Variants in PHACTR1 observed in about 807,000 individuals in gnomAD.
The protein encoded by PHACTR1 is RPEL repeat containing 1.
A neutral mutation model predicts 69.2 loss-of-function variants in PHACTR1; 16 were observed. The ratio of observed to expected loss-of-function variants is 0.23; its 90% CI spans 0.16 to 0.35. The LOEUF is 0.35. Ranked by LOEUF, PHACTR1 falls within the 10% of genes least tolerant of loss-of-function variation. The probability of loss-of-function intolerance (pLI) is 1.00; values close to 1 mark genes in which losing one functional copy is unlikely to be tolerated. For synonymous variants in PHACTR1, 312 were observed against 284.5 expected, an observed-to-expected ratio of 1.10 and a Z score of -0.97; for missense variants, 510 against 734.7, an observed-to-expected ratio of 0.69 and a Z score of 3.54.
intron 5 of PHACTR1, among the ~76,000 whole-genome samples, chr6:13,072,029 ACT>A (rs1809616320): frequency 2.0e-5 from 3 of 152,214 alleles, no homozygotes; most frequent in Non-Finnish European, 2.9e-5. Context: ...GTAGCACAAA[ACT>A]CTATTTCATC....
chr6:12,925,059 T>C (rs769836191), intron 4 of PHACTR1, among the ~76,000 whole-genome samples: 15 of 152,220 alleles, frequency 9.9e-5, no homozygotes, highest in Non-Finnish European at 7.3e-5. Flanking sequence ...CTAAGTTTCT[T>C]ATTTATCTTG....
At chr6:13,125,857 G>A (rs1434507004) in intron 5 of PHACTR1, among the ~76,000 whole-genome samples, 1 of 151,974 alleles carries the variant, frequency 6.6e-6, no homozygotes, top group East Asian at 1.9e-4. Flanking sequence ...CTGAGCCTGG[G>A]AAGTTGAGGC....
chr6:13,065,068 A>G (rs1437487561), intron 5 of PHACTR1, among the ~76,000 whole-genome samples: 2 of 152,090 alleles, frequency 1.3e-5, no homozygotes, highest in Non-Finnish European at 2.9e-5. Context: ...TTGTGAGGGG[A>G]AAAGATGAAT....
At chr6:13,231,256 AAGAAAGAAGGAAAG>A (rs1399350798) in intron 10 of PHACTR1, among the ~76,000 whole-genome samples, 79 of 132,650 alleles carry the variant, frequency 6.0e-4, no homozygotes, top group African/African-American at 1.6e-3. Flanking sequence ...AGGAAAGAGA[AAGAAAGAAGGAAAG>A]AGAAAGAAGG....
At chr6:13,027,776 A>G (rs1397563344) in intron 4 of PHACTR1, among the ~76,000 whole-genome samples, 1 of 152,036 alleles carries the variant, frequency 6.6e-6, no homozygotes, top group Non-Finnish European at 1.5e-5. Context: ...CCTGGGTTCA[A>G]ACGATTCTCC....
chr6:12,927,730 C>A (rs1404395961), intron 4 of PHACTR1, among the ~76,000 whole-genome samples: 1 of 152,166 alleles, frequency 6.6e-6, no homozygotes, highest in Non-Finnish European at 1.5e-5. Flanking sequence ...GGGCTCAGGA[C>A]CATTTGAGAA....
chr6:12,944,754 A>ATTATTTATTTATTTATTTATTTAT (rs1181743004), intron 4 of PHACTR1, among the ~76,000 whole-genome samples: 5 of 147,664 alleles, frequency 3.4e-5, no homozygotes, highest in South Asian at 2.1e-4. Flanking sequence ...CACCTTTTGA[A>ATTATTTATTTATTTATTTATTTAT]TTATTTATTT....
chr6:12,976,399 A>G (rs376014200), intron 4 of PHACTR1, among the ~76,000 whole-genome samples: 64 of 152,284 alleles, frequency 4.2e-4, no homozygotes, highest in African/African-American at 1.5e-3. Flanking sequence ...ATCTGATTCA[A>G]CCCTTCCATT....
At chr6:13,009,280 C>G (rs767524866) in intron 4 of PHACTR1, among the ~76,000 whole-genome samples, 2 of 152,054 alleles carry the variant, frequency 1.3e-5, no homozygotes, top group Non-Finnish European at 2.9e-5. Flanking sequence ...GAGGCGGACA[C>G]CATTCAACCC....
rs575596088 is a variant in PHACTR1 at position 12,904,395 on chromosome 6, G to A, written c.251-148970G>A. ...AAAAATACAAAAAAAATAGCCAGGC[G>A]TGGTGGCAGGTGCCTGTAATCCCAG... On this transcript the variant is annotated intron_variant, in intron 4 of 14. Transcript: ENST00000332995. Among the ~76,000 whole-genome samples the A allele has an allele frequency of 2.8e-4, 42 of 152,070 alleles. 1 individual carries two copies. The highest frequency in any genetic ancestry group is 1.4e-3 in the East Asian group (7 of 5,170).
intron 4 of PHACTR1, among the ~76,000 whole-genome samples, chr6:12,993,020 A>G (rs1796997636): frequency 6.6e-6 from 1 of 152,240 alleles, no homozygotes; most frequent in South Asian, 2.1e-4. Context: ...AAAAAGGAAG[A>G]TAGAGCCTCC....
At chr6:13,169,784 G>A (rs9463496) in intron 6 of PHACTR1, among the ~76,000 whole-genome samples, 9,250 of 152,192 alleles carry the variant, frequency 0.061, 762 homozygotes, top group African/African-American at 0.18. Context: ...CAGGCAGCAG[G>A]GTGTAAGTTA....
chr6:12,944,787 A>ATTTTTTTAT (rs1554172588), intron 4 of PHACTR1, among the ~76,000 whole-genome samples: 1 of 116,340 alleles, frequency 8.6e-6, no homozygotes, highest in African/African-American at 3.3e-5. Context: ...ATTTTTATTT[A>ATTTTTTTAT]TTTTTTTTTT....
At chr6:13,229,210 G>A (rs536803334) in intron 9 of PHACTR1, among the ~76,000 whole-genome samples, 1 of 152,324 alleles carries the variant, frequency 6.6e-6, no homozygotes, top group South Asian at 2.1e-4. Context: ...TCTTTGGTGT[G>A]GGGCCGTCCT....
intron 7 of PHACTR1, among the ~76,000 whole-genome samples, chr6:13,203,767 G>A (rs2113861826): frequency 6.6e-6 from 1 of 152,322 alleles, no homozygotes; most frequent in South Asian, 2.1e-4. Context: ...AGGAAACTCA[G>A]CAGTTCAGGA....
Position 12,886,859 on chromosome 6 carries a change from T to G in PHACTR1, c.250+137069T>G, listed in dbSNP as rs907786234. Among the ~76,000 whole-genome samples the G allele has an allele frequency of 3.3e-5, 5 of 152,262 alleles. No homozygotes were observed. In the South Asian group the frequency reaches 8.3e-4, roughly 25 times the overall value. On this transcript the variant is annotated intron_variant, in intron 4 of 14. Coordinates refer to ENST00000332995, the MANE Select transcript of PHACTR1 (RefSeq NM_030948.6). The stretch of plus-strand genomic sequence containing the variant: ...GCAGTTCCAAAAAAAAAAAATGCCT[T>G]TGCTGTCACTTCAAAAAACAGTAGC...
At chr6:13,232,398 T>C (rs1253211351) in intron 10 of PHACTR1, among the ~76,000 whole-genome samples, 1 of 152,208 alleles carries the variant, frequency 6.6e-6, no homozygotes, top group Non-Finnish European at 1.5e-5. Flanking sequence ...TGATGGATGA[T>C]TGGACGTAGT....
intron 4 of PHACTR1, among the ~76,000 whole-genome samples, chr6:12,872,326 T>C (rs1407446973): frequency 6.6e-6 from 1 of 151,950 alleles, no homozygotes; most frequent in East Asian, 1.9e-4. Flanking sequence ...ACTTGGAAAA[T>C]GTTAAAGATG....
chr6:12,797,438 A>T (rs745555568), intron 4 of PHACTR1, among the ~76,000 whole-genome samples: 38 of 152,296 alleles, frequency 2.5e-4, no homozygotes, highest in Middle Eastern at 6.8e-3. Flanking sequence ...TACCTATGGG[A>T]CATGCAAGTG....
Sources: allele counts gnomAD v4.1 joint callset (sites outside exome capture counted in the v4.1 genomes callset), GRCh38; gene constraint gnomAD v4.1.1; transcripts MANE v1.5; gene names NCBI Gene and HGNC (gene_info 2026-07-23, HGNC 2026-07-21).